The following COL26A1 variants were observed in gnomAD, a reference collection of about 807,000 sequenced individuals.
COL26A1 encodes the protein collagen alpha-1(XXVI) chain.
A neutral mutation model predicts 59.3 loss-of-function variants in COL26A1; 41 were observed. The observed-to-expected ratio is 0.69, with a 90% CI of 0.54 to 0.90. The LOEUF (loss-of-function observed/expected upper bound fraction) is 0.90, where lower values mean the gene tolerates loss of function less well. Ranked by LOEUF, COL26A1 falls within the 40% of genes least tolerant of loss-of-function variation. The pLI is 0.00. For synonymous variants in COL26A1, 266 were observed against 256.0 expected, an observed-to-expected ratio of 1.04 and a Z score of -0.37; for missense variants, 612 against 602.3, an observed-to-expected ratio of 1.02 and a Z score of -0.17.
At chr7:101,450,344 A>G (rs893228312) in intron 3 of COL26A1, among the ~76,000 whole-genome samples, 3 of 152,100 alleles carry the variant, frequency 2.0e-5, no homozygotes, top group African/African-American at 7.2e-5. Context: ...GCTTAGGTAC[A>G]TGGACCATGG....
rs1466107491 is a variant in COL26A1 at position 101,420,201 on chromosome 7, C to CA, written c.281+105dup. On this transcript the variant is annotated intron_variant, in intron 2 of 12. Transcript: ENST00000313669. ...GGAGAGGCTGGGCTGTGCTCACAGA[C>CA]AAAGGCTGAGCATGCATTTATGGAG... The CA allele has an allele frequency of 4.9e-6, 7 of 1,427,540 alleles. No homozygotes were observed. In the African/African-American group the frequency reaches 9.8e-5, roughly 20 times the overall value. The allele number at this position is 1,427,540 out of a possible 1,614,324, so 88.4% of individuals were successfully genotyped here.
chr7:101,501,607 G>A (rs868098966), intron 3 of COL26A1, among the ~76,000 whole-genome samples: 1 of 152,036 alleles, frequency 6.6e-6, no homozygotes, highest in Admixed American at 6.6e-5. Context: ...CTCTCTGCCT[G>A]TTGTTTCTGC....
chr7:101,456,975 A>G (rs1245316415), intron 3 of COL26A1, among the ~76,000 whole-genome samples: 1 of 152,172 alleles, frequency 6.6e-6, no homozygotes, highest in Admixed American at 6.5e-5. Context: ...TACAGTAAAG[A>G]AGTATTTTAA....
chr7:101,399,070 C>T (rs1199823724), intron 1 of COL26A1, among the ~76,000 whole-genome samples: 3 of 151,876 alleles, frequency 2.0e-5, no homozygotes, highest in East Asian at 1.9e-4. Context: ...TTAGGGAGGA[C>T]GAGGGAGGAG....
intron 3 of COL26A1, among the ~76,000 whole-genome samples, chr7:101,503,397 C>T (rs900923782): frequency 5.3e-5 from 8 of 152,124 alleles, no homozygotes; most frequent in African/African-American, 7.2e-5. Flanking sequence ...GCCTGAGTGT[C>T]GCCCTACCCT....
intron 3 of COL26A1, among the ~76,000 whole-genome samples, chr7:101,516,381 C>T (rs1795029017): frequency 6.6e-6 from 1 of 152,082 alleles, no homozygotes; most frequent in African/African-American, 2.4e-5. Context: ...AAGCAATCCT[C>T]CCACCTCAGC....
chr7:101,520,108 C>T (rs78238414), intron 3 of COL26A1, among the ~76,000 whole-genome samples: 3,176 of 152,276 alleles, frequency 0.021, 39 homozygotes, highest in Middle Eastern at 0.071. Context: ...TCTTTAGTCC[C>T]AGCTGTTTAT....
intron 3 of COL26A1, among the ~76,000 whole-genome samples, chr7:101,465,686 T>C (rs1343389111): frequency 1.7e-5 from 2 of 117,702 alleles, no homozygotes; most frequent in East Asian, 2.5e-4. Context: ...AAAGTGAAAC[T>C]GTCTCAAAAA....
chr7:101,549,594 C>G (rs1360347345), intron 9 of COL26A1, among the ~76,000 whole-genome samples: 1 of 152,168 alleles, frequency 6.6e-6, no homozygotes, highest in Non-Finnish European at 1.5e-5. Flanking sequence ...GTTGCCCAGG[C>G]TGGTCTCGAA....
At chr7:101,476,531 A>T (rs1794050624) in intron 3 of COL26A1, among the ~76,000 whole-genome samples, 1 of 149,942 alleles carries the variant, frequency 6.7e-6, no homozygotes, top group African/African-American at 2.5e-5. Flanking sequence ...ACATCGGGTT[A>T]CTTCTGGTTA....
rs140710030 is a variant in COL26A1 at position 101,543,146 on chromosome 7, G to A, written c.605-852G>A. On this transcript the variant is annotated intron_variant, in intron 5 of 12. Transcript: ENST00000313669. ...AGAGTGCAAAGGGCCCTAAGACTCAGTGCAGGTCCCTTCATCAGATCAGCA... is the reference window on the plus strand; with the variant it reads ...AGAGTGCAAAGGGCCCTAAGACTCAATGCAGGTCCCTTCATCAGATCAGCA... Among the ~76,000 whole-genome samples the A allele has an allele frequency of 1.8e-3, 280 of 151,684 alleles. 1 individual carries two copies. Among genetic ancestry groups the A allele is most frequent in the African/African-American group, 6.4e-3 (263 of 41,254 alleles).
At chr7:101,441,737 G>A (rs1303573722) in intron 2 of COL26A1, among the ~76,000 whole-genome samples, 2 of 152,178 alleles carry the variant, frequency 1.3e-5, no homozygotes, top group African/African-American at 2.4e-5. Context: ...AGAGGTGTCT[G>A]TGTGAGGTGG....
At chr7:101,496,222 T>C (rs1794582497) in intron 3 of COL26A1, among the ~76,000 whole-genome samples, 1 of 152,110 alleles carries the variant, frequency 6.6e-6, no homozygotes, top group Non-Finnish European at 1.5e-5. Flanking sequence ...CTGGTCAGAG[T>C]CTAAAGGCAG....
rs566845965 is a variant in COL26A1, at chr7:101,492,574, G to A, written c.386-40508G>A. Among the ~76,000 whole-genome samples, 623 of 151,688 alleles carry A rather than the reference G, an allele frequency of 4.1e-3. 4 individuals carry two copies. Among genetic ancestry groups the A allele is most frequent in the Middle Eastern group, 6.8e-3 (2 of 292 alleles). On this transcript the variant is annotated intron_variant, in intron 3 of 12. Transcript: ENST00000313669. Reference sequence around the variant, plus strand: ...TAGCTGGGTGTGGTGGTGGGCGCCTGTAATCTCAGCTACTCAGGAGGCTGA... The same window carrying A: ...TAGCTGGGTGTGGTGGTGGGCGCCTATAATCTCAGCTACTCAGGAGGCTGA...
chr7:101,534,677 A>G (rs1584493590), intron 4 of COL26A1, among the ~76,000 whole-genome samples: 4 of 145,820 alleles, frequency 2.7e-5, no homozygotes, highest in Admixed American at 2.7e-4. Context: ...ACACACACAC[A>G]TGACACAACT....
At chr7:101,371,574 C>T (rs1390420597) in intron 1 of COL26A1, among the ~76,000 whole-genome samples, 2 of 147,154 alleles carry the variant, frequency 1.4e-5, no homozygotes, top group Admixed American at 1.4e-4. Flanking sequence ...TCACTTGAGC[C>T]CAGGAGTTTG....
intron 1 of COL26A1, among the ~76,000 whole-genome samples, chr7:101,376,231 C>T (rs1056711391): frequency 2.0e-5 from 3 of 151,690 alleles, no homozygotes; most frequent in Non-Finnish European, 4.4e-5. Context: ...GCGGCAGGAT[C>T]ACTTGAGCCG....
intron 3 of COL26A1, among the ~76,000 whole-genome samples, chr7:101,479,165 G>C (rs1302423203): frequency 6.6e-6 from 1 of 152,150 alleles, no homozygotes; most frequent in Non-Finnish European, 1.5e-5. Flanking sequence ...TCCAAACTCA[G>C]TGTTCCAATT....
intron 2 of COL26A1, among the ~76,000 whole-genome samples, chr7:101,433,930 A>T (rs1350947121): frequency 6.6e-6 from 1 of 152,066 alleles, no homozygotes; most frequent in African/African-American, 2.4e-5. Context: ...GGTGCTCAAC[A>T]ATGTTCATTA....
Sources: allele counts gnomAD v4.1 joint callset (sites outside exome capture counted in the v4.1 genomes callset), GRCh38; gene constraint gnomAD v4.1.1; transcripts MANE v1.5; gene names NCBI Gene and HGNC (gene_info 2026-07-23, HGNC 2026-07-21).